Variants in LTBP1 observed in about 807,000 individuals in gnomAD.
LTBP1 encodes latent transforming growth factor beta binding protein 1.
Under a neutral mutation model 207.6 loss-of-function variants are expected in LTBP1, and 129 were observed. The ratio of observed to expected loss-of-function variants is 0.62; its 90% CI spans 0.54 to 0.72. The LOEUF is 0.72. LTBP1 is among the 30% of genes least tolerant of loss of function. The probability of loss-of-function intolerance (pLI) is 0.00; values close to 1 mark genes in which losing one functional copy is unlikely to be tolerated. For synonymous variants in LTBP1, 963 were observed against 833.7 expected (o/e 1.16, Z -2.67); for missense variants, 2,281 against 2,217.2 (o/e 1.03, Z -0.58).
chr2:33,062,246 A>AT (rs2077301538), intron 3 of LTBP1, among the ~76,000 whole-genome samples: 1 of 149,006 alleles, frequency 6.7e-6, no homozygotes. Flanking sequence ...CACACACAGC[A>AT]TTTTTTTCCT....
At chr2:33,273,190 G>A (rs1350786877) in intron 15 of LTBP1, among the ~76,000 whole-genome samples, 1 of 152,134 alleles carries the variant, frequency 6.6e-6, no homozygotes, top group Non-Finnish European at 1.5e-5. Context: ...GAGATTGGAT[G>A]TATTTGTTGA....
intron 2 of LTBP1, among the ~76,000 whole-genome samples, chr2:32,951,056 A>G (rs1677025819): frequency 6.6e-6 from 1 of 152,192 alleles, no homozygotes; most frequent in East Asian, 1.9e-4. Flanking sequence ...GGTCAGAAAA[A>G]TCAGTGTTGA....
chr2:33,265,752 C>T (rs191399237), intron 15 of LTBP1, among the ~76,000 whole-genome samples: 2 of 151,568 alleles, frequency 1.3e-5, no homozygotes, highest in Admixed American at 1.3e-4. Flanking sequence ...TTTTATTTTC[C>T]ATATTTTCTA....
At chr2:33,082,687 A>C (rs2078514920) in intron 3 of LTBP1, among the ~76,000 whole-genome samples, 1 of 152,000 alleles carries the variant, frequency 6.6e-6, no homozygotes. Flanking sequence ...AGCCTCCCAA[A>C]GTGCCGGGAT....
At chr2:33,005,803 T>A (rs778941503) in intron 2 of LTBP1, among the ~76,000 whole-genome samples, 1 of 152,092 alleles carries the variant, frequency 6.6e-6, no homozygotes, top group Non-Finnish European at 1.5e-5. Context: ...GGTAGGCTGC[T>A]CTCGAACTCC....
At chr2:33,139,121 G>C (rs868649063) in intron 5 of LTBP1, among the ~76,000 whole-genome samples, 37 of 152,038 alleles carry the variant, frequency 2.4e-4, no homozygotes, top group Admixed American at 1.3e-3. Flanking sequence ...GCCTCCCAAA[G>C]TGCTGGGATT....
intron 21 of LTBP1, among the ~76,000 whole-genome samples, chr2:33,301,131 T>TAAA (rs2093982076): frequency 6.6e-6 from 1 of 152,186 alleles, no homozygotes; most frequent in African/African-American, 2.4e-5. Flanking sequence ...TTAGACTTTT[T>TAAA]AAAGAAACAT....
chr2:33,168,593 G>T (rs958019971), intron 5 of LTBP1, among the ~76,000 whole-genome samples: 4 of 152,144 alleles, frequency 2.6e-5, no homozygotes, highest in African/African-American at 7.2e-5. Context: ...CCAGAGGCCA[G>T]GAGTCCTCTA....
intron 5 of LTBP1, among the ~76,000 whole-genome samples, chr2:33,136,498 A>AT (rs201924404): frequency 6.8e-4 from 101 of 149,426 alleles, no homozygotes; most frequent in African/African-American, 1.9e-3. Context: ...GCTTAAAAAA[A>AT]TTTTTTTTTT....
chr2:33,070,646 T>G (rs1419687488), intron 3 of LTBP1, among the ~76,000 whole-genome samples: 2 of 152,224 alleles, frequency 1.3e-5, no homozygotes, highest in Non-Finnish European at 2.9e-5. Flanking sequence ...CCCTATTCCA[T>G]TCTTTGCTGC....
At chr2:33,096,738 T>A (rs1032339438) in intron 3 of LTBP1, among the ~76,000 whole-genome samples, 2 of 152,098 alleles carry the variant, frequency 1.3e-5, no homozygotes, top group African/African-American at 4.8e-5. Context: ...TGTAGGTAGA[T>A]CACATATGAG....
chr2:33,224,561 C>T (rs2091325268), intron 9 of LTBP1, among the ~76,000 whole-genome samples: 1 of 152,078 alleles, frequency 6.6e-6, no homozygotes, highest in African/African-American at 2.4e-5. Context: ...ACATTTGGTC[C>T]TGAAGTTTTC....
chr2:33,305,015 G>A (rs772670776), intron 22 of LTBP1, among the ~76,000 whole-genome samples: 9 of 152,070 alleles, frequency 5.9e-5, no homozygotes, highest in Non-Finnish European at 1.2e-4. Flanking sequence ...GGGAGATAAC[G>A]AAAAAATACA....
chr2:33,009,082 G>A (rs1258181570), intron 2 of LTBP1, among the ~76,000 whole-genome samples: 2 of 152,188 alleles, frequency 1.3e-5, no homozygotes, highest in Non-Finnish European at 2.9e-5. Flanking sequence ...GAGGGTTTGA[G>A]GCAGAGGAGT....
At position 32,988,561 on chromosome 2, in the gene LTBP1, G is replaced by A. The variant is rs139884519; in HGVS notation, c.566-32348G>A. Reference sequence around the variant, plus strand: ...GAAATCTCTAGACTAAATGAGGCACGAGTAATTTTTAAGTTTTAGAAGAAC... The same window carrying A: ...GAAATCTCTAGACTAAATGAGGCACAAGTAATTTTTAAGTTTTAGAAGAAC... On this transcript the variant is annotated intron_variant, in intron 2 of 33. Coordinates refer to ENST00000404816, the MANE Select transcript of LTBP1 (RefSeq NM_206943.4). Among the ~76,000 whole-genome samples, 46 of 152,320 alleles carry A rather than the reference G, an allele frequency of 3.0e-4. No homozygotes were observed. The East Asian group carries it at 6.5e-3, about 22-fold the overall frequency.
intron 24 of LTBP1, among the ~76,000 whole-genome samples, chr2:33,341,620 A>C (rs2094621909): frequency 1.3e-5 from 2 of 150,496 alleles, no homozygotes; most frequent in Non-Finnish European, 3.0e-5. Flanking sequence ...CTGAGGCAGG[A>C]GAATGGCTTG....
chr2:33,182,076 A>ATTT (rs1161953631), intron 5 of LTBP1, among the ~76,000 whole-genome samples: 1 of 152,158 alleles, frequency 6.6e-6, no homozygotes. Context: ...TGGAGAATAG[A>ATTT]TATTTTATTT....
In LTBP1 at chr2:33,309,803, A is replaced by G. The variant is rs1218243584; in HGVS notation, c.3604+247A>G. On this transcript the variant is annotated intron_variant, in intron 23 of 33. Transcript: ENST00000404816. ...CTCACTGCGTGCTTCCGTCACCTGT[A>G]CTTTACTGTTTATTCCATGCTGTAA... Among the ~76,000 whole-genome samples, 4 of 152,188 alleles carry G rather than the reference A, an allele frequency of 2.6e-5. No individual in the cohort carries two copies. The East Asian group carries it at 7.7e-4, about 29-fold the overall frequency.
chr2:33,066,016 C>T lies in LTBP1; in HGVS notation c.864-44566C>T, dbSNP rs111452974. Among the ~76,000 whole-genome samples, 700 of 152,000 alleles carry T rather than the reference C, an allele frequency of 4.6e-3. 10 individuals are homozygous for T. Among genetic ancestry groups the T allele is most frequent in the African/African-American group, 0.016 (657 of 41,474 alleles). On this transcript the variant is annotated intron_variant, in intron 3 of 33. Transcript: ENST00000404816. ...TTTGCATTTTTTTCCTCCTATTTTC[C>T]GGCCAGTTTTCTATTAGATCATGTA...
Sources: allele counts gnomAD v4.1 joint callset (sites outside exome capture counted in the v4.1 genomes callset), GRCh38; gene constraint gnomAD v4.1.1; transcripts MANE v1.5; gene names NCBI Gene and HGNC (gene_info 2026-07-23, HGNC 2026-07-21).